SNTG1: variants seen among roughly 807,000 people sequenced by gnomAD.
SNTG1 encodes the protein gamma-1-syntrophin.
In SNTG1, 39 loss-of-function variants were observed where a neutral mutation model predicts 74.7. The observed-to-expected ratio is 0.52, with a 90% CI of 0.40 to 0.68. The LOEUF (loss-of-function observed/expected upper bound fraction) is 0.68, where lower values mean the gene tolerates loss of function less well. Among genes scored for constraint, SNTG1 ranks in the 30% least tolerant of loss-of-function variants. The pLI is 0.00. For synonymous variants in SNTG1, 254 were observed against 217.1 expected (o/e 1.17, Z -1.49); for missense variants, 685 against 609.5 (o/e 1.12, Z -1.30).
chr8:50,552,058 T>C (rs1282785704), intron 11 of SNTG1, among the ~76,000 whole-genome samples: 2 of 152,192 alleles, frequency 1.3e-5, no homozygotes, highest in Non-Finnish European at 2.9e-5. Flanking sequence ...GGAGAAAACA[T>C]ATAAATTTAC....
intron 16 of SNTG1, among the ~76,000 whole-genome samples, chr8:50,705,339 A>T (rs2095439874): frequency 6.6e-6 from 1 of 152,220 alleles, no homozygotes; most frequent in African/African-American, 2.4e-5. Context: ...TTTTACAGAT[A>T]AGAAAACACA....
chr8:50,771,529 C>T (rs186628750), intron 18 of SNTG1, among the ~76,000 whole-genome samples: 463 of 151,890 alleles, frequency 3.0e-3, no homozygotes, highest in Non-Finnish European at 4.9e-3. Flanking sequence ...GAAAGCAGAA[C>T]GTAAAGATTT....
intron 1 of SNTG1, among the ~76,000 whole-genome samples, chr8:50,149,273 T>C (rs2081980781): frequency 6.6e-6 from 1 of 152,222 alleles, no homozygotes; most frequent in Non-Finnish European, 1.5e-5. Flanking sequence ...TTGAGTTCTT[T>C]GTAGATTCTG....
intron 3 of SNTG1, among the ~76,000 whole-genome samples, chr8:50,400,658 A>T (rs368797720): frequency 1.3e-5 from 2 of 152,146 alleles, no homozygotes; most frequent in East Asian, 1.9e-4. Context: ...CTTCACCAGC[A>T]TTTGTTATTT....
At chr8:50,131,855 A>G (rs1406468379) in intron 1 of SNTG1, among the ~76,000 whole-genome samples, 1 of 151,980 alleles carries the variant, frequency 6.6e-6, no homozygotes, top group Non-Finnish European at 1.5e-5. Context: ...TTACCTTTAT[A>G]TATATACAAT....
chr8:50,640,767 C>A lies in SNTG1; in HGVS notation c.850-16142C>A, dbSNP rs1271806712. Among the ~76,000 whole-genome samples, 3 of 152,136 alleles carry A rather than the reference C, an allele frequency of 2.0e-5. No individual in the cohort carries two copies. In the East Asian group the frequency reaches 5.8e-4, roughly 29 times the overall value. ...TCTTCATGTCTCCTTAACACATTCT[C>A]ATGTTCAAACCCCACACCTTGTCAT... On this transcript the variant is annotated intron_variant, in intron 13 of 18. Transcript: ENST00000642720.
chr8:50,268,015 T>G (rs982166438), intron 2 of SNTG1, among the ~76,000 whole-genome samples: 2 of 152,228 alleles, frequency 1.3e-5, no homozygotes, highest in African/African-American at 4.8e-5. Flanking sequence ...ATAGAATATT[T>G]CAGTGCATCT....
chr8:50,076,548 T>A (rs1000941337), intron 1 of SNTG1, among the ~76,000 whole-genome samples: 1 of 152,086 alleles, frequency 6.6e-6, no homozygotes, highest in Admixed American at 6.6e-5. Flanking sequence ...TAAATACAAA[T>A]CAAGAGATAG....
intron 9 of SNTG1, among the ~76,000 whole-genome samples, chr8:50,529,062 A>T (rs1364245199): frequency 6.6e-6 from 1 of 151,882 alleles, no homozygotes; most frequent in Non-Finnish European, 1.5e-5. Context: ...ATGACTACTT[A>T]AGATTCAGTC....
intron 1 of SNTG1, among the ~76,000 whole-genome samples, chr8:49,941,020 G>A (rs1285705019): frequency 6.6e-6 from 1 of 152,152 alleles, no homozygotes; most frequent in African/African-American, 2.4e-5. Flanking sequence ...AGATGGGAAC[G>A]TGGACTGGAC....
At chr8:50,025,054 T>C (rs1454557519) in intron 1 of SNTG1, among the ~76,000 whole-genome samples, 6 of 152,176 alleles carry the variant, frequency 3.9e-5, no homozygotes, top group Non-Finnish European at 7.3e-5. Flanking sequence ...GGCAAGGGGC[T>C]GAAGGCTACC....
chr8:50,334,263 C>T (rs7357386), intron 2 of SNTG1, among the ~76,000 whole-genome samples: 9,918 of 152,236 alleles, frequency 0.065, 351 homozygotes, highest in African/African-American at 0.071. Context: ...TGAATTCAGC[C>T]TCTTGCCATG....
chr8:50,114,739 C>T lies in SNTG1; in HGVS notation c.-102-57822C>T, dbSNP rs891494755. 7.2e-5 allele frequency among the ~76,000 whole-genome samples: 11 copies of T among 152,242 alleles called. No individual in the cohort carries two copies. In the South Asian group the frequency reaches 2.1e-3, roughly 29 times the overall value. ...AATTAGCTGGGCGTAGATGTGCACGCCTGTAGTCCCAGCTACTCTGGAGGC... is the reference window on the plus strand; with the variant it reads ...AATTAGCTGGGCGTAGATGTGCACGTCTGTAGTCCCAGCTACTCTGGAGGC... On this transcript the variant is annotated intron_variant, in intron 1 of 18. Coordinates refer to ENST00000642720, the MANE Select transcript of SNTG1 (RefSeq NM_018967.5).
chr8:50,681,358 A>C (rs560322263), intron 15 of SNTG1, among the ~76,000 whole-genome samples: 1 of 152,176 alleles, frequency 6.6e-6, no homozygotes, highest in Non-Finnish European at 1.5e-5. Flanking sequence ...TTTATTACAT[A>C]TATAAATAAT....
intron 2 of SNTG1, among the ~76,000 whole-genome samples, chr8:50,264,396 C>T (rs1282791090): frequency 2.0e-5 from 3 of 151,600 alleles, no homozygotes; most frequent in East Asian, 2.0e-4. Flanking sequence ...GGTGAAACCC[C>T]GTCTCTAATA....
intron 13 of SNTG1, among the ~76,000 whole-genome samples, chr8:50,649,718 C>G (rs535785596): frequency 1.3e-5 from 2 of 152,124 alleles, no homozygotes; most frequent in South Asian, 2.1e-4. Context: ...TTTCTGAAAG[C>G]CTCATTAATG....
At chr8:50,623,218 T>G (rs2094934761) in intron 13 of SNTG1, among the ~76,000 whole-genome samples, 1 of 152,228 alleles carries the variant, frequency 6.6e-6, no homozygotes, top group African/African-American at 2.4e-5. Flanking sequence ...TTAAAAGAAG[T>G]GGCAAAAGTG....
chr8:50,044,049 T>A (rs181418170), intron 1 of SNTG1, among the ~76,000 whole-genome samples: 3 of 152,292 alleles, frequency 2.0e-5, no homozygotes, highest in Non-Finnish European at 4.4e-5. Context: ...GTCACCTTTA[T>A]GTAATACTAA....
intron 2 of SNTG1, among the ~76,000 whole-genome samples, chr8:50,209,973 A>C (rs544581108): frequency 6.6e-6 from 1 of 152,266 alleles, no homozygotes; most frequent in East Asian, 1.9e-4. Context: ...GAAGCTAAAA[A>C]CCTTGAAAAA....
Sources: allele counts gnomAD v4.1 joint callset (sites outside exome capture counted in the v4.1 genomes callset), GRCh38; gene constraint gnomAD v4.1.1; transcripts MANE v1.5; gene names NCBI Gene and HGNC (gene_info 2026-07-23, HGNC 2026-07-21).